Variants in HACL2 observed in about 807,000 individuals in gnomAD.
The protein encoded by HACL2 is 2-hydroxyacyl-CoA lyase 1 like.
chr19:15,119,657 T>A, the HACL2 span: 4 of 730,506 alleles, frequency 5.5e-6, no homozygotes, highest in Non-Finnish European at 8.9e-6. Flanking sequence ...TTCAAACGAT[T>A]CTCCCGCCTC....
the HACL2 span, chr19:15,119,837 C>A: frequency 1.6e-6 from 1 of 620,610 alleles, no homozygotes; most frequent in Non-Finnish European, 2.8e-6. Flanking sequence ...TGCTGTGAGC[C>A]ACCGCGTCCA....
At chr19:15,115,199 C>A in the HACL2 span, 1 of 1,606,056 alleles carries the variant, frequency 6.2e-7, no homozygotes, top group Non-Finnish European at 8.5e-7. Flanking sequence ...TCCAAACCAG[C>A]TGGACACAGT....
At chr19:15,124,326 A>G in the HACL2 span, 125,882 of 153,092 alleles carry the variant, frequency 0.82, 52,343 homozygotes, top group African/African-American at 0.94. Context: ...GGGTTGAGGA[A>G]GGGGTCTGGA....
chr19:15,122,871 G>GCATCAC, the HACL2 span: 1 of 1,612,232 alleles, frequency 6.2e-7, no homozygotes, highest in East Asian at 2.2e-5. The surrounding 1 kb of genome is among the most constrained non-coding windows in gnomAD (Gnocchi z 4.0). Flanking sequence ...GCACTGCTCA[G>GCATCAC]CATCACCATC....
the HACL2 span, chr19:15,115,914 C>G: frequency 6.2e-7 from 1 of 1,614,060 alleles, no homozygotes; most frequent in African/African-American, 1.3e-5. Context: ...CCCAAACAGG[C>G]ACCAGACCTA....
chr19:15,117,707 G>A, the HACL2 span: 2 of 603,474 alleles, frequency 3.3e-6, no homozygotes, highest in Admixed American at 3.0e-5. Flanking sequence ...AAAATTTAAA[G>A]AAAGAAGCAT....
the HACL2 span, chr19:15,117,895 T>C: frequency 6.2e-7 from 1 of 1,614,044 alleles, no homozygotes; most frequent in African/African-American, 1.3e-5. Context: ...CACAGCCTCC[T>C]GGGGCTTCCA....
chr19:15,115,610 AC>A, the HACL2 span: 9 of 1,613,802 alleles, frequency 5.6e-6, no homozygotes, highest in Non-Finnish European at 7.6e-6. Flanking sequence ...CAGAGAGGGC[AC>A]CTGCTCCCGA....
At chr19:15,124,418 G>A in the HACL2 span, 1 of 154,856 alleles carries the variant, frequency 6.5e-6, no homozygotes, top group African/African-American at 2.4e-5. Context: ...TGTCACCTAG[G>A]GCAAACCACC....
chr19:15,123,285 C>T, the HACL2 span: 1 of 1,608,436 alleles, frequency 6.2e-7, no homozygotes, highest in East Asian at 2.2e-5. This position sits in a 1 kb window ranked among gnomAD's most constrained non-coding sequence, Gnocchi z 5.1. Context: ...ACTCTCTTGG[C>T]CATTCTTCCA....
the HACL2 span, chr19:15,120,185 G>C: frequency 1.4e-6 from 1 of 705,360 alleles, no homozygotes; most frequent in Non-Finnish European, 2.4e-6. Context: ...CAGGAGCAAA[G>C]TGGCATGGGG....
At chr19:15,123,074 C>A in the HACL2 span, 1 of 1,610,796 alleles carries the variant, frequency 6.2e-7, no homozygotes, top group East Asian at 2.2e-5. The surrounding 1 kb of genome is among the most constrained non-coding windows in gnomAD (Gnocchi z 5.1). Flanking sequence ...ATGAGCCCTT[C>A]AAGCCCCCCT....
chr19:15,116,802 C>G, the HACL2 span: 1 of 440,060 alleles, frequency 2.3e-6, no homozygotes, highest in Non-Finnish European at 4.1e-6. Flanking sequence ...CCTCCCTCCA[C>G]CTCCTTCTGC....
chr19:15,122,684 G>A, the HACL2 span: 2 of 1,608,458 alleles, frequency 1.2e-6, no homozygotes, highest in South Asian at 1.1e-5. The surrounding 1 kb of genome is among the most constrained non-coding windows in gnomAD (Gnocchi z 4.0). Context: ...CAGGGGTGGG[G>A]CTATTCACCA....
chr19:15,122,770 C>T, the HACL2 span: 2 of 1,613,864 alleles, frequency 1.2e-6, no homozygotes, highest in Non-Finnish European at 1.7e-6. The surrounding 1 kb of genome is among the most constrained non-coding windows in gnomAD (Gnocchi z 4.0). Flanking sequence ...AGTAGGGGTA[C>T]AGCACGTCAA....
At chr19:15,120,304 C>G in the HACL2 span, among the ~76,000 whole-genome samples, 2 of 152,112 alleles carry the variant, frequency 1.3e-5, no homozygotes, top group Non-Finnish European at 2.9e-5. Context: ...TCCACGTAGC[C>G]CCCCAGAAGC....
the HACL2 span, chr19:15,125,121 G>A: frequency 0.47 from 682,179 of 1,451,948 alleles, 161,797 homozygotes; most frequent in East Asian, 0.61. Context: ...GAACCTCTCC[G>A]GAAGAAATCG....
chr19:15,117,876 C>T, the HACL2 span: 1 of 1,613,782 alleles, frequency 6.2e-7, no homozygotes, highest in African/African-American at 1.3e-5. Context: ...GATTAAGGGG[C>T]TCACCCTGCA....
the HACL2 span, chr19:15,120,220 G>T: frequency 1.8e-6 from 1 of 563,874 alleles, no homozygotes; most frequent in Non-Finnish European, 3.2e-6. Context: ...TGACACCTCA[G>T]GGACAGACGA....
Sources: allele counts gnomAD v4.1 joint callset (sites outside exome capture counted in the v4.1 genomes callset), GRCh38; gene constraint gnomAD v4.1.1; non-coding constraint Gnocchi (gnomAD v3.1); transcripts MANE v1.5; gene names NCBI Gene and HGNC (gene_info 2026-07-23, HGNC 2026-07-21).